The following CRYBG2 variants were observed in gnomAD, a reference collection of about 807,000 sequenced individuals.
The protein encoded by CRYBG2 is beta/gamma crystallin domain-containing protein 2.
Under a neutral mutation model 153.4 loss-of-function variants are expected in CRYBG2, and 106 were observed. The ratio of observed to expected loss-of-function variants is 0.69; its 90% CI spans 0.59 to 0.81. The LOEUF is 0.81. CRYBG2 is among the 30% of genes least tolerant of loss of function. The probability of loss-of-function intolerance (pLI) is 0.00; values close to 1 mark genes in which losing one functional copy is unlikely to be tolerated. For synonymous variants in CRYBG2, 851 were observed against 877.8 expected (o/e 0.97, Z 0.54); for missense variants, 1,996 against 2,112.0 (o/e 0.95, Z 1.08).
In CRYBG2 at chr1:26,328,841, T is replaced by A. The variant is rs1388150502; in HGVS notation, c.4347A>T (p.Gly1449=). Residue 1449 remains glycine, a synonymous_variant, in exon 16 of 20, where the codon GGA becomes GGT. Coordinates refer to ENST00000308182, the MANE Select transcript of CRYBG2 (RefSeq NM_001039775.4). The part of the protein sequence containing the change: ...HFSEPSIFLY[G]LECFEGKEIE... The stretch of plus-strand genomic sequence containing the variant: ...TCTCCTTCCCCTCGAAGCACTCGAG[T>A]CCATACAGGAAAATGGAAGGCTCTG... 1.2e-6 allele frequency: 2 copies of A among 1,613,610 alleles called. No homozygotes were observed. The highest frequency in any genetic ancestry group is 4.5e-5 in the East Asian group (2 of 44,838).
At chr1:26,326,064 G>A (rs1195535768) in intron 17 of CRYBG2, among the ~76,000 whole-genome samples, 1 of 151,842 alleles carries the variant, frequency 6.6e-6, no homozygotes, top group Non-Finnish European at 1.5e-5. Context: ...CATTTCTTTT[G>A]TATTTTTTGT....
chr1:26,348,249 G>A (rs964205618), intron 1 of CRYBG2, among the ~76,000 whole-genome samples: 2 of 152,230 alleles, frequency 1.3e-5, no homozygotes, highest in East Asian at 3.8e-4. Flanking sequence ...CTGTGTGCAA[G>A]TGTAGGTCTA....
chr1:26,337,952 AC>A, intron 8 of CRYBG2, 59 bp downstream of exon 8: 1 of 1,586,010 alleles, frequency 6.3e-7, no homozygotes, highest in Admixed American at 1.8e-5. Flanking sequence ...GACCACGATA[AC>A]CAAACACCTG....
intron 15 of CRYBG2, among the ~76,000 whole-genome samples, chr1:26,329,087 C>G (rs988661712): frequency 6.6e-6 from 1 of 152,018 alleles, no homozygotes; most frequent in African/African-American, 2.4e-5. Flanking sequence ...CCAGTTTCCC[C>G]CTCAAACCTC....
In CRYBG2 at chr1:26,346,173, G is replaced by A. The variant is rs1280459326; in HGVS notation, c.485C>T (p.Thr162Ile). The part of the protein sequence containing the change: ...EPSPHPGVGL[T>I]SGSSRSLEEY... The stretch of plus-strand genomic sequence containing the variant: ...CTCGAGGCTCCGGGAGCTACCACTG[G>A]TGAGACCTACACCTGGGTGGGGACT... The change falls in exon 2 of 20, where the codon ACC becomes ATC. Residue 162 changes from threonine (T) to isoleucine (I), a missense_variant. Thr to Ile is a moderately conservative substitution (Grantham distance 89). Coordinates refer to ENST00000308182, the MANE Select transcript of CRYBG2 (RefSeq NM_001039775.4). The surrounding 1 kb of genome is among the most constrained non-coding windows in gnomAD (Gnocchi z 4.9). 3.9e-6 allele frequency: 6 copies of A among 1,556,130 alleles called. No individual in the cohort carries two copies. In the Admixed American group the frequency reaches 1.1e-4, roughly 27 times the overall value.
chr1:26,331,404 A>G, intron 15 of CRYBG2, 85 bp downstream of exon 15: 1 of 1,546,806 alleles, frequency 6.5e-7, no homozygotes, highest in Non-Finnish European at 8.8e-7. Context: ...CAACCCCTGC[A>G]CCAGCACACA....
At position 26,328,707 on chromosome 1, in the gene CRYBG2, G is replaced by A. The variant is rs772432780; in HGVS notation, c.4454+27C>T. ...TGACTCATCCCCACCAGCAGCCACC[G>A]CACCCATGCCTCCCCTCAGCACTCA... is the stretch of plus-strand genomic sequence containing the variant. On this transcript the variant is annotated intron_variant, in intron 16 of 19. Coordinates refer to ENST00000308182, the MANE Select transcript of CRYBG2 (RefSeq NM_001039775.4). 23 of 1,599,578 alleles carry A rather than the reference G, an allele frequency of 1.4e-5. No individual in the cohort carries two copies. The East Asian group carries it at 3.6e-4, about 25-fold the overall frequency.
chr1:26,328,134 C>A (rs1040111639), intron 17 of CRYBG2, 75 bp downstream of exon 17: 14 of 1,520,024 alleles, frequency 9.2e-6, no homozygotes, highest in Non-Finnish European at 3.5e-6. Flanking sequence ...AAACACACAG[C>A]TAGACACTCA....
intron 17 of CRYBG2, among the ~76,000 whole-genome samples, chr1:26,327,693 T>C (rs1167761138): frequency 4.6e-5 from 7 of 150,618 alleles, no homozygotes; most frequent in Non-Finnish European, 1.5e-5. Context: ...ACGTCTGTAA[T>C]CCCAGCACTT....
intron 6 of CRYBG2, 72 bp downstream of exon 6, chr1:26,339,218 G>A (rs1416611586): frequency 3.2e-6 from 5 of 1,542,220 alleles, no homozygotes; most frequent in Non-Finnish European, 4.4e-6. Flanking sequence ...ACTGTGTTCT[G>A]TCACCTCTGT....
rs978325842 is a variant in CRYBG2, at chr1:26,325,933, G to A, written c.4579-1623C>T. Among the ~76,000 whole-genome samples the A allele has an allele frequency of 2.6e-5, 4 of 151,950 alleles. No homozygotes were observed. Among genetic ancestry groups the A allele is most frequent in the African/African-American group, 7.3e-5 (3 of 41,374 alleles). ...TATTTTTTTTTTGAGACAGGGTCTC[G>A]CTCTGTCACCCACGCTGGAGTACCA... On this transcript the variant is annotated intron_variant, in intron 17 of 19. Transcript: ENST00000308182. This position sits in a 1 kb window ranked among gnomAD's most constrained non-coding sequence, Gnocchi z 4.1.
rs188581505 is a variant in CRYBG2 at position 26,328,690 on chromosome 1, C to T, written c.4454+44G>A. ...GGATCTCTGTCTTGCCATGACTCAT[C>T]CCCACCAGCAGCCACCGCACCCATG... On this transcript the variant is annotated intron_variant, in intron 16 of 19. Coordinates refer to ENST00000308182, the MANE Select transcript of CRYBG2 (RefSeq NM_001039775.4). The T allele has an allele frequency of 7.5e-4, 1,192 of 1,585,480 alleles. 5 individuals are homozygous for T. The highest frequency in any genetic ancestry group is 8.7e-4 in the Middle Eastern group (5 of 5,776).
chr1:26,333,040 A>AAAAAAAAAAAAAAAAAAAAT, intron 14 of CRYBG2, among the ~76,000 whole-genome samples: 1 of 141,884 alleles, frequency 7.0e-6, no homozygotes. Flanking sequence ...AAAAAAAAAA[A>AAAAAAAAAAAAAAAAAAAAT]AAAAAAGATT....
intron 16 of CRYBG2, 30 bp from the exon 17 acceptor site, chr1:26,328,362 G>A: frequency 6.4e-7 from 1 of 1,557,642 alleles, no homozygotes; most frequent in Non-Finnish European, 8.7e-7. Context: ...GGGACACAGA[G>A]AAGAGCACAG....
At position 26,337,257 on chromosome 1, in the gene CRYBG2, C is replaced by T. The variant is rs867674704; in HGVS notation, c.3767G>A (p.Arg1256Gln). The change falls in exon 10 of 20, where the codon CGG becomes CAG. Residue 1256 changes from arginine to glutamine, a missense_variant. Coordinates refer to ENST00000308182, the MANE Select transcript of CRYBG2 (RefSeq NM_001039775.4). ...DELLTSLRVI[R>Q]TDFGDPAVVL... The stretch of plus-strand genomic sequence containing the variant: ...GGGCCAATTGCCTTTGCTTACCGTC[C>T]GGATGACCCGGAGGGAGGTCAGCAA... 9.3e-6 allele frequency: 15 copies of T among 1,613,858 alleles called. No homozygotes were observed. Among genetic ancestry groups the T allele is most frequent in the African/African-American group, 8.0e-5 (6 of 74,880 alleles).
At chr1:26,337,084 C>A in intron 10 of CRYBG2, 104 bp from the exon 11 acceptor site, 2 of 1,563,672 alleles carry the variant, frequency 1.3e-6, no homozygotes, top group African/African-American at 1.4e-5. Context: ...AGGGGTGAGG[C>A]TGTCAGTACG....
rs1468360433 is a variant in CRYBG2 at position 26,343,738 on chromosome 1, C to G, written c.2913+7G>C. 1.4e-6 allele frequency: 2 copies of G among 1,445,362 alleles called. No individual in the cohort carries two copies. The highest frequency in any genetic ancestry group is 9.1e-7 in the Non-Finnish European group (1 of 1,096,750). The allele number at this position is 1,445,362 out of a possible 1,614,324, so 89.5% of individuals were successfully genotyped here. ...CACCTCCCTTGCCCACCCGAGGCCTCACTTACCCACCCCTCCAGGGGCAGG... is the reference window on the plus strand; with the variant it reads ...CACCTCCCTTGCCCACCCGAGGCCTGACTTACCCACCCCTCCAGGGGCAGG... On this transcript the variant is annotated splice_region_variant and intron_variant, in intron 2 of 19. Coordinates refer to ENST00000308182, the MANE Select transcript of CRYBG2 (RefSeq NM_001039775.4). This position sits in a 1 kb window ranked among gnomAD's most constrained non-coding sequence, Gnocchi z 4.1.
At chr1:26,341,392 A>G (rs1294855447) in intron 5 of CRYBG2, among the ~76,000 whole-genome samples, 1 of 152,122 alleles carries the variant, frequency 6.6e-6, no homozygotes, top group Non-Finnish European at 1.5e-5. Context: ...TGCCTGATAG[A>G]CACTGCTTTT....
rs148292224 is a variant in CRYBG2 at position 26,336,703 on chromosome 1, G to A, written c.3941C>T (p.Ser1314Phe). The change falls in exon 12 of 20, where the codon TCC becomes TTC. Residue 1314 changes from serine to phenylalanine, a missense_variant. Ser to Phe is a radical substitution (Grantham distance 155, BLOSUM62 -2). Coordinates refer to ENST00000308182, the MANE Select transcript of CRYBG2 (RefSeq NM_001039775.4). This position sits in a 1 kb window ranked among gnomAD's most constrained non-coding sequence, Gnocchi z 4.9. Reference protein sequence around the residue: ...VWVAYQEVGFSGEQYVLEKGV... With the variant: ...VWVAYQEVGFFGEQYVLEKGV... ...CTTCTCCAGCACGTACTGTTCCCCGGAGAAGCCCACCTCCTGGTAGGCCAC... is the reference window on the plus strand; with the variant it reads ...CTTCTCCAGCACGTACTGTTCCCCGAAGAAGCCCACCTCCTGGTAGGCCAC... 7.4e-5 allele frequency: 117 copies of A among 1,575,368 alleles called. No individual in the cohort carries two copies. Among genetic ancestry groups the A allele is most frequent in the Non-Finnish European group, 9.6e-5 (111 of 1,160,200 alleles).
Sources: gnomAD v4.1 joint callset for allele counts (sites outside exome capture counted in the v4.1 genomes callset) on GRCh38, gnomAD v4.1.1 for gene constraint, Gnocchi (gnomAD v3.1) non-coding constraint, MANE v1.5 for transcripts, NCBI Gene and HGNC (gene_info 2026-07-23, HGNC 2026-07-21) for gene names.